Variants in POU3F3 observed in about 807,000 individuals in gnomAD.
The protein encoded by POU3F3 is POU domain, class 3, transcription factor 3.
Under a neutral mutation model 8.6 loss-of-function variants are expected in POU3F3, and 1 was observed. The observed-to-expected ratio is 0.12, with a 90% CI of 0.04 to 0.55. POU3F3 has a LOEUF of 0.55. Among genes scored for constraint, POU3F3 ranks in the 20% least tolerant of loss-of-function variants. The pLI, the probability that POU3F3 is intolerant of heterozygous loss-of-function variation, is 0.91. For missense variants in POU3F3, 577 were observed against 690.7 expected (o/e 0.84, Z 1.84); for synonymous variants, 418 against 327.4 (o/e 1.28, Z -2.99).
chr2:104,904,458 A>C, the POU3F3 span, among the ~76,000 whole-genome samples: 1 of 152,168 alleles, frequency 6.6e-6, no homozygotes, highest in Non-Finnish European at 1.5e-5. Context: ...AAAATCAAGA[A>C]ATAAAGTATT....
the POU3F3 span, among the ~76,000 whole-genome samples, chr2:104,915,615 G>C: frequency 2.0e-5 from 3 of 152,066 alleles, no homozygotes; most frequent in African/African-American, 7.2e-5. Flanking sequence ...CTCCTCTAGT[G>C]GAGACTGGGC....
In POU3F3 at chr2:104,855,855, C is replaced by T. The variant is rs1409487909; in HGVS notation, c.345C>T (p.Ala115=). The T allele has an allele frequency of 1.9e-6, 2 of 1,078,702 alleles. No homozygotes were observed. Among genetic ancestry groups the T allele is most frequent in the African/African-American group, 3.5e-5 (2 of 56,416 alleles). 66.8% of individuals were successfully genotyped at this position (1,078,702 alleles called of 1,614,324 possible). A position where few individuals can be genotyped will look rare whatever the true frequency, so the allele number is the denominator to read the frequency against. ...CCGCCGCCGCTGCCGCCGCCGCCGC[C>T]GTGGAGGCGAGCTCGCCGTGGTCGG... ...AAAAAAAAAA[A]VEASSPWSGS... The change falls in exon 1 of 1, where the codon GCC becomes GCT. Residue 115 remains alanine, a synonymous_variant. Transcript: ENST00000361360.
At chr2:104,868,662 T>C in the POU3F3 span, among the ~76,000 whole-genome samples, 2 of 152,122 alleles carry the variant, frequency 1.3e-5, no homozygotes, top group South Asian at 2.1e-4. Flanking sequence ...ACTTCCCAAA[T>C]GGCTGCTGCC....
At chr2:104,893,449 C>A in the POU3F3 span, among the ~76,000 whole-genome samples, 5 of 152,242 alleles carry the variant, frequency 3.3e-5, no homozygotes, top group Non-Finnish European at 7.3e-5. Flanking sequence ...GGAAAGGAAG[C>A]AGTCTCTGGG....
chr2:104,894,214 G>A, the POU3F3 span, among the ~76,000 whole-genome samples: 3 of 152,202 alleles, frequency 2.0e-5, no homozygotes, highest in African/African-American at 7.2e-5. Flanking sequence ...CCGGTGCACA[G>A]CACATGTTAG....
chr2:104,864,839 T>A, the POU3F3 span, among the ~76,000 whole-genome samples: 17 of 152,228 alleles, frequency 1.1e-4, no homozygotes, highest in Non-Finnish European at 2.5e-4. Flanking sequence ...TTTTCTTTTT[T>A]ACTCTTCAGA....
At chr2:104,853,786 G>T (rs1006751063), upstream of POU3F3, 8 of 151,362 alleles carry the variant, frequency 5.3e-5, no homozygotes, top group African/African-American at 1.9e-4. Flanking sequence ...TATTGCGAAC[G>T]CCCAGAGCCG....
At chr2:104,903,646 C>A in the POU3F3 span, among the ~76,000 whole-genome samples, 1 of 152,172 alleles carries the variant, frequency 6.6e-6, no homozygotes, top group South Asian at 2.1e-4. Flanking sequence ...ACGCAAATGG[C>A]ACCAGGCATA....
downstream of POU3F3, among the ~76,000 whole-genome samples, chr2:104,863,184 ATT>A (rs1676686503): frequency 6.8e-6 from 1 of 146,246 alleles, no homozygotes; most frequent in African/African-American, 2.5e-5. Flanking sequence ...TATTATTATT[ATT>A]ATTATTATTA....
chr2:104,871,838 GC>G, the POU3F3 span, among the ~76,000 whole-genome samples: 1 of 152,176 alleles, frequency 6.6e-6, no homozygotes, highest in Non-Finnish European at 1.5e-5. Context: ...AATGCTCAAT[GC>G]GAACGCAGAA....
chr2:104,926,317 A>C, the POU3F3 span, among the ~76,000 whole-genome samples: 3 of 152,236 alleles, frequency 2.0e-5, no homozygotes, highest in Non-Finnish European at 2.9e-5. Flanking sequence ...CACTTCCTAA[A>C]AGAAGACATT....
In POU3F3 at chr2:104,855,706, G is replaced by A. The variant is rs745905442; in HGVS notation, c.196G>A (p.Asp66Asn). The change falls in exon 1 of 1, where the codon GAC becomes AAC. Residue 66 changes from aspartate to asparagine, a missense_variant. This residue lies in a region of POU3F3 where 484 missense variants were observed against 422.6 expected (regional missense o/e 1.15). Transcript: ENST00000361360. ...AAVTSGAYRG[D>N]PSSVKMVQSD... ...CGTGACCTCGGGCGCCTACCGGGGG[G>A]ACCCGTCCTCTGTCAAGATGGTCCA... is the stretch of plus-strand genomic sequence containing the variant. 100 of 1,241,736 alleles carry A rather than the reference G, an allele frequency of 8.1e-5. No homozygotes were observed. Among genetic ancestry groups the A allele is most frequent in the Middle Eastern group, 2.9e-4 (1 of 3,466 alleles). The allele number at this position is 1,241,736 out of a possible 1,614,324, so 76.9% of individuals were successfully genotyped here.
At chr2:104,877,490 C>T in the POU3F3 span, among the ~76,000 whole-genome samples, 1 of 151,796 alleles carries the variant, frequency 6.6e-6, no homozygotes, top group Non-Finnish European at 1.5e-5. Flanking sequence ...GTGGAGTGTG[C>T]GCTAATGCCA....
Position 104,855,950 on chromosome 2 carries a change from C to T in POU3F3, c.440C>T (p.Pro147Leu). 1 of 1,061,140 alleles carries T rather than the reference C, an allele frequency of 9.4e-7. No homozygotes were observed. The highest frequency in any genetic ancestry group is 1.7e-5 in the African/African-American group (1 of 57,308). The allele number at this position is 1,061,140 out of a possible 1,614,324, so 65.7% of individuals were successfully genotyped here. Residue 147 changes from proline (P) to leucine (L), a missense_variant, in exon 1 of 1, where the codon CCC (proline) becomes CTC (leucine). Physicochemically the swap from Pro to Leu is moderately conservative, Grantham distance 98. Around this residue, in one of 7 missense-constraint regions of POU3F3, gnomAD observed 484 missense variants for 422.6 expected, o/e 1.15. Coordinates refer to ENST00000361360, the MANE Select transcript of POU3F3 (RefSeq NM_006236.3). ...CCGCCGCCGCCACCGCCGCAGGGCC[C>T]CGACGTGAAGGGCGGCGCCGGGCGC... Reference protein sequence around the residue: ...PQPPPPPPQGPDVKGGAGRDD... With the variant: ...PQPPPPPPQGLDVKGGAGRDD...
At chr2:104,881,451 C>G in the POU3F3 span, among the ~76,000 whole-genome samples, 1 of 152,102 alleles carries the variant, frequency 6.6e-6, no homozygotes, top group Admixed American at 6.6e-5. Context: ...CAGGCATGAG[C>G]CCCCACACCC....
downstream of POU3F3, among the ~76,000 whole-genome samples, chr2:104,862,506 C>A (rs1010502968): frequency 6.6e-6 from 1 of 151,984 alleles, no homozygotes; most frequent in South Asian, 2.1e-4. Flanking sequence ...GGAGGGGGAC[C>A]CGAGGCAGCC....
the POU3F3 span, among the ~76,000 whole-genome samples, chr2:104,870,295 C>G: frequency 1.3e-5 from 2 of 152,170 alleles, no homozygotes; most frequent in Non-Finnish European, 2.9e-5. Flanking sequence ...TTAACTCTGA[C>G]AAATAGAAAT....
the POU3F3 span, among the ~76,000 whole-genome samples, chr2:104,911,713 A>G: frequency 6.6e-6 from 1 of 152,036 alleles, no homozygotes; most frequent in South Asian, 2.1e-4. Flanking sequence ...AAGATGTGGA[A>G]GAGAAAGGAC....
At chr2:104,863,522 G>A (rs537600263), downstream of POU3F3, among the ~76,000 whole-genome samples, 1 of 152,150 alleles carries the variant, frequency 6.6e-6, no homozygotes, top group Non-Finnish European at 1.5e-5. Context: ...CGCCCACGCT[G>A]CTGACGGTGG....
Sources: allele counts gnomAD v4.1 joint callset (sites outside exome capture counted in the v4.1 genomes callset), GRCh38; gene constraint gnomAD v4.1.1; regional missense constraint gnomAD v4.1.1; transcripts MANE v1.5; gene names NCBI Gene and HGNC (gene_info 2026-07-23, HGNC 2026-07-21).